DNAJC2: variants seen among roughly 807,000 people sequenced by gnomAD.
DNAJC2 encodes the protein DnaJ heat shock protein family (Hsp40) member C2.
A neutral mutation model predicts 94.0 loss-of-function variants in DNAJC2; 32 were observed. The observed-to-expected ratio is 0.34, with a 90% confidence interval of 0.26 to 0.46. The LOEUF (loss-of-function observed/expected upper bound fraction) is 0.46. Among genes scored for constraint, DNAJC2 ranks in the 20% least tolerant of loss-of-function variants. DNAJC2 has a pLI of 1.00. For synonymous variants in DNAJC2, 210 were observed against 229.7 expected, an observed-to-expected ratio of 0.91 and a Z score of 0.77; for missense variants, 550 against 719.5, an observed-to-expected ratio of 0.76 and a Z score of 2.69.
chr7:103,315,920 T>G, intron 14 of DNAJC2, 49 bp from the exon 15 acceptor site: 1 of 1,535,460 alleles, frequency 6.5e-7, no homozygotes, highest in Non-Finnish European at 8.9e-7. Context: ...ATTTAATCTT[T>G]CATTAAATTG....
intron 5 of DNAJC2, among the ~76,000 whole-genome samples, chr7:103,325,796 C>T (rs1166874794): frequency 6.6e-6 from 1 of 152,116 alleles, no homozygotes; most frequent in African/African-American, 2.4e-5. Context: ...ATGCTTTAAT[C>T]GTAACTATAA....
chr7:103,325,355 T>C (rs374814928), intron 5 of DNAJC2, among the ~76,000 whole-genome samples: 68 of 152,040 alleles, frequency 4.5e-4, no homozygotes, highest in African/African-American at 1.6e-3. Flanking sequence ...GAGAATTGCT[T>C]GAACCTGGGA....
intron 2 of DNAJC2, among the ~76,000 whole-genome samples, chr7:103,338,296 GATTTT>G (rs1217400396): frequency 6.9e-6 from 1 of 145,608 alleles, no homozygotes; most frequent in Non-Finnish European, 1.5e-5. Flanking sequence ...ATGATTTTAA[GATTTT>G]ATTTTATTTT....
intron 3 of DNAJC2, among the ~76,000 whole-genome samples, chr7:103,331,691 T>C (rs777955412): frequency 6.6e-6 from 1 of 152,228 alleles, no homozygotes; most frequent in Non-Finnish European, 1.5e-5. Context: ...GACGTTTCAT[T>C]CTTTTTTATG....
chr7:103,323,742 G>A (rs1818550465), intron 6 of DNAJC2, 79 bp from the exon 7 acceptor site: 1 of 1,082,960 alleles, frequency 9.2e-7, no homozygotes, highest in South Asian at 1.8e-5. Context: ...GAATGAATTT[G>A]TTTTAATGGA....
Position 103,312,980 on chromosome 7 carries a change from G to A in DNAJC2, c.1758C>T (p.Gly586=). 6.2e-7 allele frequency: 1 copy of A among 1,613,888 alleles called. No homozygotes were observed. The highest frequency in any genetic ancestry group is 8.5e-7 in the Non-Finnish European group (1 of 1,179,912). ...RWEKIAEAVP[G]RTKKDCMKRY... ...GTTTCATGCAGTCCTTCTTTGTCCT[G>A]CCAGGCACCGCTTCTGCTATTTTTT... is the stretch of plus-strand genomic sequence containing the variant. The change falls in exon 16 of 17, where the codon GGC becomes GGT. Residue 586 remains glycine (G), a synonymous_variant. Coordinates refer to ENST00000379263, the MANE Select transcript of DNAJC2 (RefSeq NM_014377.3).
At chr7:103,344,411 C>G in intron 1 of DNAJC2, 148 bp downstream of exon 1, 1 of 799,818 alleles carries the variant, frequency 1.3e-6, no homozygotes, top group East Asian at 2.5e-5. Flanking sequence ...CTTTAAAACA[C>G]GGAGCAAAAA....
chr7:103,319,496 TA>T, intron 12 of DNAJC2, 112 bp downstream of exon 12: 3 of 1,048,394 alleles, frequency 2.9e-6, no homozygotes, highest in Non-Finnish European at 4.3e-6. Context: ...GTGGGAAACA[TA>T]AAGAGAAATC....
At chr7:103,337,632 T>C (rs1819224772) in intron 3 of DNAJC2, 104 bp downstream of exon 3, 3 of 898,534 alleles carry the variant, frequency 3.3e-6, no homozygotes, top group Non-Finnish European at 5.2e-6. Flanking sequence ...TGCTGTTAAA[T>C]GTAGTTATGG....
chr7:103,324,662 C>T, intron 5 of DNAJC2, 100 bp from the exon 6 acceptor site: 2 of 1,059,726 alleles, frequency 1.9e-6, no homozygotes, highest in Non-Finnish European at 2.5e-6. Context: ...TTTACTAATT[C>T]CTCTGATTTC....
rs73175841 is a variant in DNAJC2, at chr7:103,329,424, T to G, written c.332-1670A>C. ...GTATGCTGCCTCTCCTAATTCATTATGTTTATTAATAATTTTTCCCCGTTT... is the reference window on the plus strand; with the variant it reads ...GTATGCTGCCTCTCCTAATTCATTAGGTTTATTAATAATTTTTCCCCGTTT... On this transcript the variant is annotated intron_variant, in intron 3 of 16. Coordinates refer to ENST00000379263, the MANE Select transcript of DNAJC2 (RefSeq NM_014377.3). 1,203 of 152,456 alleles carry G rather than the reference T, an allele frequency of 7.9e-3. 4 individuals are homozygous for G. Among genetic ancestry groups the G allele is most frequent in the Non-Finnish European group, 0.012 (815 of 68,108 alleles). 9.4% of individuals were successfully genotyped at this position (152,456 alleles called of 1,614,324 possible). A position where few individuals can be genotyped will look rare whatever the true frequency, so the allele number is the denominator to read the frequency against.
intron 2 of DNAJC2, among the ~76,000 whole-genome samples, chr7:103,339,776 T>C (rs1819309256): frequency 6.6e-6 from 1 of 152,180 alleles, no homozygotes; most frequent in Admixed American, 6.5e-5. Flanking sequence ...CCAGTGTTTT[T>C]TAAAATAATT....
intron 1 of DNAJC2, chr7:103,344,352 A>C (rs1176694061): frequency 3.3e-6 from 2 of 598,162 alleles, no homozygotes; most frequent in African/African-American, 3.7e-5. Context: ...GGTAGGAGCA[A>C]AAGGAAGGCA....
Position 103,316,927 on chromosome 7 carries a change from T to C in DNAJC2, c.1330A>G (p.Thr444Ala), listed in dbSNP as rs201929403. 115 of 1,613,996 alleles carry C rather than the reference T, an allele frequency of 7.1e-5. No individual in the cohort carries two copies. The highest frequency in any genetic ancestry group is 9.2e-5 in the Non-Finnish European group (108 of 1,180,012). ...RQASKNTEKS[T>A]GGGGNGSKNW... ...TTACTTCCATTTCCACCTCCACCAGTTGATTTCTCTGTGTTCTTAGATGCT... is the reference window on the plus strand; with the variant it reads ...TTACTTCCATTTCCACCTCCACCAGCTGATTTCTCTGTGTTCTTAGATGCT... The change falls in exon 13 of 17, where the codon ACT (threonine) becomes GCT (alanine). Residue 444 changes from threonine to alanine, a missense_variant. By Grantham distance (58) the Thr-to-Ala change is moderately conservative. Around this residue, in one of 2 missense-constraint regions of DNAJC2, gnomAD observed 271 missense variants for 302.6 expected, o/e 0.90. Transcript: ENST00000379263.
Position 103,322,055 on chromosome 7 carries a change from A to G in DNAJC2, c.960T>C (p.Ala320=). ...EKQRQAELEA[A]RLAKEKEEEE... ...CCTCTTCTTTCTCCTTAGCTAACCG[A>G]GCAGCTTCTAATTCAGCTTGTCTTT... is the stretch of plus-strand genomic sequence containing the variant. The change falls in exon 10 of 17, where the codon GCT becomes GCC. Residue 320 remains alanine (A), a synonymous_variant. Coordinates refer to ENST00000379263, the MANE Select transcript of DNAJC2 (RefSeq NM_014377.3). 6.2e-7 allele frequency: 1 copy of G among 1,613,088 alleles called. No individual in the cohort carries two copies.
chr7:103,327,327 C>T (rs1430479905), intron 4 of DNAJC2: 5 of 1,272,966 alleles, frequency 3.9e-6, no homozygotes, highest in Middle Eastern at 2.2e-4. Context: ...AAATAGAACA[C>T]TTACATGAAT....
rs542470853 is a variant in DNAJC2, at chr7:103,312,846, A to G, written c.1791+101T>C. 5.1e-5 allele frequency: 78 copies of G among 1,526,450 alleles called. No individual in the cohort carries two copies. The South Asian group carries it at 1.0e-3, about 20-fold the overall frequency. The allele number at this position is 1,526,450 out of a possible 1,614,324, so 94.6% of individuals were successfully genotyped here. A position where few individuals can be genotyped will look rare whatever the true frequency, so the allele number is the denominator to read the frequency against. Reference sequence around the variant, plus strand: ...ACCCCATAACTACTGGTTTTGAAATAAGCACTATATTATTAACCACTTAAT... The same window carrying G: ...ACCCCATAACTACTGGTTTTGAAATGAGCACTATATTATTAACCACTTAAT... On this transcript the variant is annotated intron_variant, in intron 16 of 16. Transcript: ENST00000379263.
At position 103,312,317 on chromosome 7, in the gene DNAJC2, G is replaced by A. The variant is rs773578676; in HGVS notation, c.*252C>T. On this transcript the variant is annotated 3_prime_UTR_variant, in exon 17 of 17. Transcript: ENST00000379263. ...TTTGAACACATGTATTTATAAAACA[G>A]AGCTAGAGAAAAATAAAAATGAACA... 1.9e-6 allele frequency: 3 copies of A among 1,599,744 alleles called. No individual in the cohort carries two copies. The highest frequency in any genetic ancestry group is 3.4e-5 in the Admixed American group (2 of 59,108).
At chr7:103,320,760 C>CACATATATATATATATATATAT (rs1818349736) in intron 10 of DNAJC2, 1 of 89,282 alleles carries the variant, frequency 1.1e-5, no homozygotes, top group African/African-American at 6.2e-5. Flanking sequence ...TATATATATA[C>CACATATATATATATATATATAT]ACATATATAT....
Sources: gnomAD v4.1 joint callset for allele counts (sites outside exome capture counted in the v4.1 genomes callset) on GRCh38, gnomAD v4.1.1 for gene constraint, gnomAD v4.1.1 regional missense constraint, MANE v1.5 for transcripts, NCBI Gene and HGNC (gene_info 2026-07-23, HGNC 2026-07-21) for gene names.